Variants in ZBTB7C observed in about 807,000 individuals in gnomAD.
The protein encoded by ZBTB7C is zinc finger and BTB domain-containing protein 7C.
A neutral mutation model predicts 25.7 loss-of-function variants in ZBTB7C; 8 were observed. That is an observed-to-expected ratio of 0.31 (90% CI 0.18 to 0.56). The LOEUF is 0.56. Ranked by LOEUF, ZBTB7C falls within the 20% of genes least tolerant of loss-of-function variation. The pLI is 0.91. For synonymous variants in ZBTB7C, 394 were observed against 369.0 expected, an observed-to-expected ratio of 1.07 and a Z score of -0.78; for missense variants, 824 against 855.2, an observed-to-expected ratio of 0.96 and a Z score of 0.46.
chr18:48,305,724 T>C (rs1027278288), intron 2 of ZBTB7C, among the ~76,000 whole-genome samples: 4 of 152,134 alleles, frequency 2.6e-5, no homozygotes, highest in Non-Finnish European at 5.9e-5. Flanking sequence ...GGCTAAATAC[T>C]TCACCCTCCA....
At position 48,162,332 on chromosome 18, in the gene ZBTB7C, A is replaced by G. The variant is rs1207855511; in HGVS notation, c.-17+23602T>C. 4 of 456,054 alleles carry G rather than the reference A, an allele frequency of 8.8e-6. No homozygotes were observed. The East Asian group carries it at 2.8e-4, about 32-fold the overall frequency. The allele number at this position is 456,054 out of a possible 1,614,324, so 28.3% of individuals were successfully genotyped here. ...CACCTCAGAGGCAGGGCCGCACTGAAGCCCAGCTCACCTACCTGCTGGGTG... is the reference window on the plus strand; with the variant it reads ...CACCTCAGAGGCAGGGCCGCACTGAGGCCCAGCTCACCTACCTGCTGGGTG... On this transcript the variant is annotated intron_variant, in intron 3 of 4. Transcript: ENST00000590800.
intron 2 of ZBTB7C, among the ~76,000 whole-genome samples, chr18:48,263,987 G>C (rs1352208547): frequency 6.7e-6 from 1 of 149,844 alleles, no homozygotes; most frequent in Non-Finnish European, 1.5e-5. Context: ...GCAATATTTG[G>C]GTAAAATATT....
intron 3 of ZBTB7C, among the ~76,000 whole-genome samples, chr18:48,130,443 T>C (rs1344145117): frequency 6.6e-6 from 1 of 152,144 alleles, no homozygotes; most frequent in Non-Finnish European, 1.5e-5. Context: ...TGCACACAGC[T>C]AGCCAGGGCA....
At chr18:48,292,919 G>A (rs562744303) in intron 2 of ZBTB7C, among the ~76,000 whole-genome samples, 12 of 152,224 alleles carry the variant, frequency 7.9e-5, no homozygotes, top group Admixed American at 2.0e-4. Flanking sequence ...GCCCTCACTC[G>A]GTGGCAAGCA....
chr18:48,347,761 G>C (rs2046774980), intron 1 of ZBTB7C, among the ~76,000 whole-genome samples: 1 of 152,226 alleles, frequency 6.6e-6, no homozygotes, highest in African/African-American at 2.4e-5. Flanking sequence ...AAGAGAATTG[G>C]AGTTTTCCAG....
chr18:48,071,800 T>C (rs2037552944), intron 3 of ZBTB7C, among the ~76,000 whole-genome samples: 1 of 152,232 alleles, frequency 6.6e-6, no homozygotes, highest in African/African-American at 2.4e-5. Flanking sequence ...CAAAACATTA[T>C]TCAGCCTTAA....
intron 3 of ZBTB7C, among the ~76,000 whole-genome samples, chr18:48,151,319 C>G (rs1248980136): frequency 6.6e-6 from 1 of 152,146 alleles, no homozygotes; most frequent in Non-Finnish European, 1.5e-5. Flanking sequence ...TTATAGCTAA[C>G]ATTAGGATGA....
In ZBTB7C at chr18:48,029,323, C is replaced by A. The variant is rs1455607577; in HGVS notation, c.1797G>T (p.Leu599=). 4 of 1,538,226 alleles carry A rather than the reference C, an allele frequency of 2.6e-6. No homozygotes were observed. The highest frequency in any genetic ancestry group is 3.5e-6 in the Non-Finnish European group (4 of 1,147,658). ...FPLPDPWAAG[L]AGLPGLAGLN... The stretch of plus-strand genomic sequence containing the variant: ...GGCCGGCGAGCCCAGGGAGGCCGGC[C>A]AGGCCGGCGGCCCAAGGGTCGGGCA... The change falls in exon 5 of 5, where the codon CTG becomes CTT. Residue 599 remains leucine (L), a synonymous_variant. Transcript: ENST00000590800.
intron 3 of ZBTB7C, among the ~76,000 whole-genome samples, chr18:48,083,314 G>A (rs1260987064): frequency 3.3e-5 from 5 of 151,880 alleles, no homozygotes; most frequent in South Asian, 2.1e-4. Context: ...CCAACATCCC[G>A]AGGGGCTGTA....
chr18:48,241,471 A>G (rs1024238235), intron 2 of ZBTB7C, among the ~76,000 whole-genome samples: 1 of 152,212 alleles, frequency 6.6e-6, no homozygotes, highest in African/African-American at 2.4e-5. Context: ...ACACGTCTCA[A>G]TAAATTTAAG....
chr18:48,131,300 T>C (rs2039977938), intron 3 of ZBTB7C, among the ~76,000 whole-genome samples: 1 of 152,240 alleles, frequency 6.6e-6, no homozygotes, highest in Admixed American at 6.5e-5. Context: ...AGTCCATTCA[T>C]AGCAGAGCAT....
intron 2 of ZBTB7C, among the ~76,000 whole-genome samples, chr18:48,244,219 C>T (rs4401108): frequency 0.4 from 61,391 of 151,914 alleles, 14,052 homozygotes; most frequent in Non-Finnish European, 0.54. Flanking sequence ...ATCGAGACCA[C>T]TCTGGCTAAC....
At chr18:48,249,710 C>T (rs1327549493) in intron 2 of ZBTB7C, among the ~76,000 whole-genome samples, 1 of 152,166 alleles carries the variant, frequency 6.6e-6, no homozygotes, top group Non-Finnish European at 1.5e-5. Context: ...TCTTCCTGTG[C>T]CTGAAGTAAT....
intron 3 of ZBTB7C, among the ~76,000 whole-genome samples, chr18:48,183,118 A>G (rs1019617746): frequency 6.6e-6 from 1 of 152,200 alleles, no homozygotes; most frequent in Admixed American, 6.5e-5. Flanking sequence ...ATGCATTTTA[A>G]ACATTCCACT....
At position 48,384,445 on chromosome 18, in the gene ZBTB7C, T is replaced by A. The variant is rs748256977; in HGVS notation, c.-304+24781A>T. Among the ~76,000 whole-genome samples, 16 of 152,202 alleles carry A rather than the reference T, an allele frequency of 1.1e-4. 1 individual carries two copies. Among genetic ancestry groups the A allele is most frequent in the African/African-American group, 1.7e-4 (7 of 41,448 alleles). On this transcript the variant is annotated intron_variant, in intron 1 of 4. Coordinates refer to ENST00000590800, the MANE Select transcript of ZBTB7C (RefSeq NM_001318841.2). ...TGTTTTTGAAAGGGCAGTCTGCCCC[T>A]TCTCCCTCTCAATACATTCCTAGAA...
At chr18:48,067,499 G>T (rs2144368849) in intron 3 of ZBTB7C, among the ~76,000 whole-genome samples, 1 of 152,318 alleles carries the variant, frequency 6.6e-6, no homozygotes, top group Admixed American at 6.5e-5. Flanking sequence ...TAGACTTTCA[G>T]TAAAGCAGAT....
chr18:48,330,667 A>C (rs1436180590), intron 2 of ZBTB7C, among the ~76,000 whole-genome samples: 1 of 151,338 alleles, frequency 6.6e-6, no homozygotes, highest in East Asian at 1.9e-4. Flanking sequence ...AAAAAAAAAA[A>C]CTGAAAAGAG....
intron 2 of ZBTB7C, among the ~76,000 whole-genome samples, chr18:48,275,797 A>T (rs1035414980): frequency 1.3e-5 from 2 of 152,174 alleles, no homozygotes; most frequent in Non-Finnish European, 2.9e-5. Flanking sequence ...TCAGCTCTTA[A>T]TGACACCCCA....
chr18:48,320,875 G>A (rs2046075095), intron 2 of ZBTB7C, among the ~76,000 whole-genome samples: 2 of 152,222 alleles, frequency 1.3e-5, no homozygotes, highest in Admixed American at 1.3e-4. Flanking sequence ...TGTGCGGCCA[G>A]GGGGCTGACT....
Sources: allele counts gnomAD v4.1 joint callset (sites outside exome capture counted in the v4.1 genomes callset), GRCh38; gene constraint gnomAD v4.1.1; transcripts MANE v1.5; gene names NCBI Gene and HGNC (gene_info 2026-07-23, HGNC 2026-07-21).